Variants in DAAM1 observed in about 807,000 individuals in gnomAD.
DAAM1 encodes dishevelled associated activator of morphogenesis 1.
In DAAM1, 52 loss-of-function variants were observed where a neutral mutation model predicts 130.0. The observed-to-expected ratio is 0.40, with a 90% CI of 0.32 to 0.50. DAAM1 has a LOEUF of 0.50. DAAM1 is among the 20% of genes least tolerant of loss of function. The pLI is 0.61. For synonymous variants in DAAM1, 452 were observed against 444.5 expected (o/e 1.02, Z -0.21); for missense variants, 1,134 against 1,303.8 (o/e 0.87, Z 2.01).
At chr14:59,364,069 C>T (rs1466135401) in intron 23 of DAAM1, among the ~76,000 whole-genome samples, 1 of 152,292 alleles carries the variant, frequency 6.6e-6, no homozygotes, top group South Asian at 2.1e-4. Flanking sequence ...ATAAGACCAG[C>T]AAATACTTTG....
chr14:59,192,827 G>A (rs570553235), intron 1 of DAAM1, among the ~76,000 whole-genome samples: 5 of 152,248 alleles, frequency 3.3e-5, no homozygotes, highest in Admixed American at 2.6e-4. Context: ...GCCAAGTCGG[G>A]AGGATCATGA....
At chr14:59,310,112 CTTTT>C (rs10710665) in intron 3 of DAAM1, among the ~76,000 whole-genome samples, 17 of 130,352 alleles carry the variant, frequency 1.3e-4, no homozygotes, top group Non-Finnish European at 2.0e-4. Flanking sequence ...AAATTTTTTC[CTTTT>C]TTTTTTTTTT....
chr14:59,296,119 A>G (rs1883946111), intron 3 of DAAM1, among the ~76,000 whole-genome samples: 1 of 152,208 alleles, frequency 6.6e-6, no homozygotes, highest in Non-Finnish European at 1.5e-5. Flanking sequence ...TGGCAGAAGT[A>G]GCAATGATTA....
At chr14:59,232,476 G>A (rs932090814) in intron 1 of DAAM1, among the ~76,000 whole-genome samples, 3 of 152,114 alleles carry the variant, frequency 2.0e-5, no homozygotes, top group African/African-American at 7.2e-5. Context: ...AAAGGAGATG[G>A]ATATGGTGGC....
chr14:59,267,250 C>T (rs186692034), intron 2 of DAAM1, among the ~76,000 whole-genome samples: 1 of 152,176 alleles, frequency 6.6e-6, no homozygotes, highest in Non-Finnish European at 1.5e-5. Context: ...TCATGAGTCA[C>T]TCATTTGATG....
rs1172347326 is a variant in DAAM1 at position 59,368,977 on chromosome 14, GA to G, written c.*120del. On this transcript the variant is annotated 3_prime_UTR_variant, in exon 25 of 25. Transcript: ENST00000360909. The stretch of plus-strand genomic sequence containing the variant: ...GCAATTTTTTCCTTCATCTGTGAGT[GA>G]ATGTGTGAACGTGTGTATGTAAATG... The G allele has an allele frequency of 1.2e-6, 1 of 822,688 alleles. No individual in the cohort carries two copies. The highest frequency in any genetic ancestry group is 1.7e-5 in the African/African-American group (1 of 57,812). The allele number at this position is 822,688 out of a possible 1,614,324, so 51.0% of individuals were successfully genotyped here.
intron 3 of DAAM1, among the ~76,000 whole-genome samples, chr14:59,312,941 G>A (rs1212629771): frequency 2.6e-5 from 4 of 152,222 alleles, no homozygotes; most frequent in African/African-American, 9.6e-5. Flanking sequence ...CAGGCTGAGA[G>A]CAAGAAGTGT....
At chr14:59,330,345 C>T (rs1885378352) in intron 12 of DAAM1, among the ~76,000 whole-genome samples, 156 bp from the exon 13 acceptor site, 2 of 152,136 alleles carry the variant, frequency 1.3e-5, no homozygotes, top group Non-Finnish European at 2.9e-5. Context: ...ATCATTTAGC[C>T]TTTGAGTTGC....
intron 1 of DAAM1, among the ~76,000 whole-genome samples, chr14:59,196,550 T>A (rs1887898371): frequency 1.3e-5 from 2 of 152,152 alleles, no homozygotes; most frequent in Admixed American, 6.5e-5. Context: ...GAGACCATTC[T>A]GGCTAACACG....
Position 59,326,359 on chromosome 14 carries a change from T to C in DAAM1, c.1175-151T>C, listed in dbSNP as rs1885202969. On this transcript the variant is annotated intron_variant, in intron 10 of 24. Coordinates refer to ENST00000360909, the MANE Select transcript of DAAM1 (RefSeq NM_001270520.2). ...CTCAATCAAATAAATGATCATTGCA[T>C]GTCAAAATTCCATAACTTTGGGAAG... 3.9e-6 allele frequency: 3 copies of C among 773,610 alleles called. No homozygotes were observed. The South Asian group carries it at 7.4e-5, about 19-fold the overall frequency. 47.9% of individuals were successfully genotyped at this position (773,610 alleles called of 1,614,324 possible). A position where few individuals can be genotyped will look rare whatever the true frequency, so the allele number is the denominator to read the frequency against.
intron 2 of DAAM1, among the ~76,000 whole-genome samples, chr14:59,275,378 C>T (rs1045361141): frequency 5.9e-5 from 9 of 151,814 alleles, no homozygotes; most frequent in African/African-American, 1.7e-4. Flanking sequence ...TACAACAAAC[C>T]GTGTAATACA....
chr14:59,225,919 A>G (rs1310690661), intron 1 of DAAM1, among the ~76,000 whole-genome samples: 2 of 148,576 alleles, frequency 1.3e-5, no homozygotes, highest in Non-Finnish European at 3.0e-5. Flanking sequence ...TATATCTATG[A>G]ATTGATATAT....
intron 4 of DAAM1, among the ~76,000 whole-genome samples, chr14:59,316,266 G>A (rs1410840975): frequency 6.6e-6 from 1 of 151,914 alleles, no homozygotes; most frequent in African/African-American, 2.4e-5. Context: ...CTCTCTTTAT[G>A]GAGAATAAAT....
rs543489151 is a variant in DAAM1 at position 59,202,582 on chromosome 14, AC to A, written c.-38+13819del. ...CAGAATGCTGTATGTTCTTAGAGAA[AC>A]CCCCGGTTTTTTCCTTTGTAGTACA... On this transcript the variant is annotated intron_variant, in intron 1 of 24. Transcript: ENST00000360909. Among the ~76,000 whole-genome samples, 8 of 151,694 alleles carry A rather than the reference AC, an allele frequency of 5.3e-5. No homozygotes were observed. In the South Asian group the frequency reaches 1.5e-3, roughly 28 times the overall value.
intron 1 of DAAM1, 62 bp from the exon 2 acceptor site, chr14:59,263,379 C>A: frequency 6.9e-7 from 1 of 1,448,064 alleles, no homozygotes; most frequent in Non-Finnish European, 9.5e-7. Flanking sequence ...GTTGGTCTGG[C>A]CTTTTAAAAA....
intron 3 of DAAM1, among the ~76,000 whole-genome samples, chr14:59,297,407 T>C (rs1883994746): frequency 6.6e-6 from 1 of 152,198 alleles, no homozygotes. Context: ...TTGGCAATGT[T>C]GTCTCTAAAA....
chr14:59,313,953 G>C (rs766404980), intron 3 of DAAM1, among the ~76,000 whole-genome samples: 2 of 152,192 alleles, frequency 1.3e-5, no homozygotes, highest in African/African-American at 4.8e-5. Context: ...CCTGAGTTGA[G>C]ATATCAGTTA....
chr14:59,201,895 A>G (rs1391551664), intron 1 of DAAM1, among the ~76,000 whole-genome samples: 1 of 152,130 alleles, frequency 6.6e-6, no homozygotes, highest in Admixed American at 6.5e-5. Flanking sequence ...TTTACCTGTC[A>G]TATAGTGTGC....
At chr14:59,201,434 C>A (rs539453405) in intron 1 of DAAM1, among the ~76,000 whole-genome samples, 1 of 152,066 alleles carries the variant, frequency 6.6e-6, no homozygotes, top group Admixed American at 6.5e-5. Flanking sequence ...ACCAGCCTGG[C>A]CAACATGGCA....
Sources: gnomAD v4.1 joint callset for allele counts (sites outside exome capture counted in the v4.1 genomes callset) on GRCh38, gnomAD v4.1.1 for gene constraint, MANE v1.5 for transcripts, NCBI Gene and HGNC (gene_info 2026-07-23, HGNC 2026-07-21) for gene names.